MYH11: variants seen among roughly 807,000 people sequenced by gnomAD.
MYH11 encodes myosin-11.
MYH11 carries 80 observed loss-of-function variants against 246.6 expected under a neutral mutation model. The ratio of observed to expected loss-of-function variants is 0.32; its 90% CI spans 0.27 to 0.39. The LOEUF (loss-of-function observed/expected upper bound fraction) is 0.39, where lower values mean the gene tolerates loss of function less well. Among genes scored for constraint, MYH11 ranks in the 10% least tolerant of loss-of-function variants. The probability of loss-of-function intolerance (pLI) is 1.00; values close to 1 mark genes in which losing one functional copy is unlikely to be tolerated. For missense variants in MYH11, 2,158 were observed against 2,546.8 expected (o/e 0.85, Z 3.29); for synonymous variants, 1,071 against 1,015.5 (o/e 1.05, Z -1.04).
At chr16:15,821,158 C>T (rs528851636) in intron 3 of MYH11, among the ~76,000 whole-genome samples, 1 of 152,364 alleles carries the variant, frequency 6.6e-6, no homozygotes, top group Non-Finnish European at 1.5e-5. Flanking sequence ...AGGCGTGAGC[C>T]ACTGTGCCTG....
intron 4 of MYH11, among the ~76,000 whole-genome samples, chr16:15,798,080 T>C (rs1020102675): frequency 6.6e-6 from 1 of 152,142 alleles, no homozygotes; most frequent in African/African-American, 2.4e-5. Flanking sequence ...TGGCTGTGAG[T>C]TCAATGTCAA....
At chr16:15,838,890 A>C (rs565565917) in intron 1 of MYH11, among the ~76,000 whole-genome samples, 7 of 150,008 alleles carry the variant, frequency 4.7e-5, no homozygotes, top group African/African-American at 1.7e-4. Flanking sequence ...AAGAAGCCGG[A>C]AGTAAGTGTA....
chr16:15,731,155 A>G (rs1193395810), intron 27 of MYH11, among the ~76,000 whole-genome samples: 1 of 152,216 alleles, frequency 6.6e-6, no homozygotes, highest in Non-Finnish European at 1.5e-5. Context: ...ATTAAAGTGG[A>G]TAGAATGATC....
chr16:15,724,099 G>A, intron 31 of MYH11, 62 bp downstream of exon 31: 4 of 1,607,964 alleles, frequency 2.5e-6, no homozygotes. Context: ...GTCATACTCT[G>A]CAGAGCTGAT....
chr16:15,798,198 G>A (rs2042789074), intron 4 of MYH11, among the ~76,000 whole-genome samples: 1 of 152,104 alleles, frequency 6.6e-6, no homozygotes, highest in Non-Finnish European at 1.5e-5. Flanking sequence ...ATGTACCTAG[G>A]TCTTCAAAGA....
At chr16:15,838,522 G>C (rs2043966914) in intron 1 of MYH11, among the ~76,000 whole-genome samples, 1 of 152,136 alleles carries the variant, frequency 6.6e-6, no homozygotes, top group African/African-American at 2.4e-5. Context: ...GGATACATAA[G>C]CCATGCTATT....
At chr16:15,852,442 C>T (rs548681175) in intron 1 of MYH11, among the ~76,000 whole-genome samples, 3 of 149,960 alleles carry the variant, frequency 2.0e-5, no homozygotes, top group Non-Finnish European at 4.4e-5. Context: ...AAGCGATTCT[C>T]GTGCCTCAGC....
intron 28 of MYH11, chr16:15,726,602 A>G (rs1220583972): frequency 3.4e-6 from 2 of 582,902 alleles, no homozygotes; most frequent in East Asian, 2.9e-5. Context: ...CCCTGACCTC[A>G]GGTGATCCAC....
At chr16:15,783,520 A>T (rs1402602371) in intron 5 of MYH11, 1 of 152,202 alleles carries the variant, frequency 6.6e-6, no homozygotes, top group Admixed American at 6.5e-5. Flanking sequence ...TCCTTTTTGT[A>T]GCTCCCAGAG....
rs141184241 is a variant in MYH11, at chr16:15,724,694, C to T, written c.4069G>A (p.Glu1357Lys). 75 of 1,614,096 alleles carry T rather than the reference C, an allele frequency of 4.6e-5. No individual in the cohort carries two copies. The highest frequency in any genetic ancestry group is 6.0e-5 in the Non-Finnish European group (71 of 1,180,034). Residue 1357 changes from glutamate to lysine, a missense_variant, in exon 30 of 41, where the codon GAG becomes AAG. Coordinates refer to ENST00000300036, the MANE Select transcript of MYH11 (RefSeq NM_002474.3). ...TGGCGCTCCAGGTTCTGCTTGGCCT[C>T]CATCTCCTCGTCCAGCTGGTCTTGC... is the stretch of plus-strand genomic sequence containing the variant. ...SLQDQLDEEM[E>K]AKQNLERHIS...
chr16:15,744,471 C>G (rs34013641), intron 20 of MYH11, among the ~76,000 whole-genome samples: 22,607 of 147,908 alleles, frequency 0.15, 3,180 homozygotes, highest in African/African-American at 0.38. Context: ...GGGATTACAG[C>G]CGTGAGCCAC....
At chr16:15,841,698 C>G (rs188373260) in intron 1 of MYH11, among the ~76,000 whole-genome samples, 4 of 152,324 alleles carry the variant, frequency 2.6e-5, no homozygotes, top group East Asian at 3.9e-4. Context: ...TCCGGCCCCC[C>G]GTTCCTGACT....
chr16:15,772,171 A>C (rs1234463965), intron 8 of MYH11, among the ~76,000 whole-genome samples: 4 of 138,892 alleles, frequency 2.9e-5, no homozygotes, highest in Non-Finnish European at 4.5e-5. Context: ...GGCTCACTGC[A>C]ACCTCCGCCT....
chr16:15,824,558 G>A (rs1380732012), intron 2 of MYH11, among the ~76,000 whole-genome samples: 1 of 152,202 alleles, frequency 6.6e-6, no homozygotes, highest in Non-Finnish European at 1.5e-5. Context: ...TGGGATTACA[G>A]GTGGGAACCA....
intron 14 of MYH11, 110 bp downstream of exon 14, chr16:15,756,231 C>T: frequency 8.0e-7 from 1 of 1,255,688 alleles, no homozygotes. Context: ...CAGCAGATGG[C>T]TTTGCAGTTT....
At chr16:15,834,842 G>A (rs1327537186) in intron 2 of MYH11, among the ~76,000 whole-genome samples, 1 of 151,970 alleles carries the variant, frequency 6.6e-6, no homozygotes, top group Non-Finnish European at 1.5e-5. Flanking sequence ...AGTCAAGGCA[G>A]GAGATGGCTT....
In MYH11 at chr16:15,726,865, T is replaced by C. The variant is rs766780039; in HGVS notation, c.3841A>G (p.Lys1281Glu). The change falls in exon 28 of 41, where the codon AAA becomes GAA. Residue 1281 changes from lysine (K) to glutamate (E), a missense_variant. Transcript: ENST00000300036. The part of the protein sequence containing the change: ...GERARAELND[K>E]VHKLQNEVES... ...CTCCTCACCTGCAGCTTGTGGACTT[T>C]GTCATTGAGCTCCGCCCGGGCCCGC... The C allele has an allele frequency of 1.2e-6, 2 of 1,612,134 alleles. No homozygotes were observed. Among genetic ancestry groups the C allele is most frequent in the Admixed American group, 1.7e-5 (1 of 60,000 alleles).
At chr16:15,763,741 T>TCGGGGGCCCCCCCCCCCCCCCCC in intron 10 of MYH11, 55 bp downstream of exon 10, 1 of 646,860 alleles carries the variant, frequency 1.5e-6, no homozygotes, top group Non-Finnish European at 2.9e-6. Context: ...AAATGTCACC[T>TCGGGGGCCCCCCCCCCCCCCCCC]CCCCCACCCC....
At chr16:15,757,802 C>T (rs1349157454) in intron 13 of MYH11, 25 bp downstream of exon 13, 1 of 1,614,134 alleles carries the variant, frequency 6.2e-7, no homozygotes, top group Admixed American at 1.7e-5. Context: ...TGTGACGGAG[C>T]CCCGCACGCC....
Sources: gnomAD v4.1 joint callset for allele counts (sites outside exome capture counted in the v4.1 genomes callset) on GRCh38, gnomAD v4.1.1 for gene constraint, MANE v1.5 for transcripts, NCBI Gene and HGNC (gene_info 2026-07-23, HGNC 2026-07-21) for gene names.